Variants in ZNF234 observed in about 807,000 individuals in gnomAD.
The protein encoded by ZNF234 is zinc finger protein 234.
ZNF234 carries 4 observed loss-of-function variants against 10.3 expected under a neutral mutation model. That is an observed-to-expected ratio of 0.39 (90% CI 0.19 to 0.89). ZNF234 has a LOEUF of 0.89. Ranked by LOEUF, ZNF234 falls within the 40% of genes least tolerant of loss-of-function variation. The pLI is 0.38. For synonymous variants in ZNF234, 258 were observed against 280.1 expected (o/e 0.92, Z 0.79); for missense variants, 711 against 836.1 (o/e 0.85, Z 1.85).
intron 5 of ZNF234, 58 bp downstream of exon 5, chr19:44,150,563 T>A: frequency 7.1e-7 from 1 of 1,401,600 alleles, no homozygotes; most frequent in African/African-American, 1.4e-5. Context: ...TGTACTTCTC[T>A]CCCCTGCTCT....
chr19:44,143,716 G>C (rs1968525613), intron 2 of ZNF234, among the ~76,000 whole-genome samples: 4 of 152,152 alleles, frequency 2.6e-5, no homozygotes. Flanking sequence ...GGTGGCTGAG[G>C]CATGAGAATC....
rs374310388 is a variant in ZNF234, at chr19:44,150,369, C to T, written c.143-44C>T. On this transcript the variant is annotated intron_variant, in intron 4 of 5. Coordinates refer to ENST00000426739, the MANE Select transcript of ZNF234 (RefSeq NM_006630.3). ...CAAATTGCCAGTAAGTTCAGTTGTA[C>T]CTTTAGTGTGTTTGTTTTAAATATG... 5.6e-5 allele frequency: 83 copies of T among 1,484,762 alleles called. No individual in the cohort carries two copies. In the African/African-American group the frequency reaches 1.1e-3, roughly 19 times the overall value. The allele number at this position is 1,484,762 out of a possible 1,614,324, so 92.0% of individuals were successfully genotyped here.
Position 44,159,523 on chromosome 19 carries a change from TTTAA to T in ZNF234, c.*1409_*1412del, listed in dbSNP as rs1399107817. ...TTCTGACAGTGCAGACTGAAAAAAA[TTTAA>T]TTAACCTGACAAGAGTTTACTGAAT... On this transcript the variant is annotated 3_prime_UTR_variant, in exon 6 of 6. Coordinates refer to ENST00000426739, the MANE Select transcript of ZNF234 (RefSeq NM_006630.3). The T allele has an allele frequency of 7.8e-6, 3 of 382,972 alleles. No homozygotes were observed. The highest frequency in any genetic ancestry group is 3.7e-5 in the South Asian group (2 of 53,520). 23.7% of individuals were successfully genotyped at this position (382,972 alleles called of 1,614,324 possible). A position where few individuals can be genotyped will look rare whatever the true frequency, so the allele number is the denominator to read the frequency against.
chr19:44,153,916 G>A (rs917755655), intron 5 of ZNF234, among the ~76,000 whole-genome samples: 2 of 152,216 alleles, frequency 1.3e-5, no homozygotes, highest in East Asian at 1.9e-4. Context: ...GTAGGAAAGT[G>A]TAAAACGAGT....
Position 44,150,420 on chromosome 19 carries a change from C to T in ZNF234, c.150C>T (p.His50=). ...TGACTTTGCGTGTTCTAGGGCATCA[C>T]CCCTTCAAACATGATGTATTCCTTT... ...NFRNLLSVGH[H]PFKHDVFLLE... Residue 50 remains histidine, a synonymous_variant, in exon 5 of 6, where the codon CAC becomes CAT. Coordinates refer to ENST00000426739, the MANE Select transcript of ZNF234 (RefSeq NM_006630.3). The T allele has an allele frequency of 1.9e-6, 3 of 1,582,580 alleles. No individual in the cohort carries two copies. Among genetic ancestry groups the T allele is most frequent in the African/African-American group, 1.3e-5 (1 of 74,298 alleles).
At position 44,159,640 on chromosome 19, in the gene ZNF234, A is replaced by G. The variant is rs1279909883; in HGVS notation, c.*1521A>G. Reference sequence around the variant, plus strand: ...AGTGTCAGAAGTAGTTGCCAATGCCAAATTTTTATCAGCCCCCTTGAATTT... The same window carrying G: ...AGTGTCAGAAGTAGTTGCCAATGCCGAATTTTTATCAGCCCCCTTGAATTT... On this transcript the variant is annotated 3_prime_UTR_variant, in exon 6 of 6. Transcript: ENST00000426739. 6.3e-6 allele frequency: 3 copies of G among 475,006 alleles called. No homozygotes were observed. The highest frequency in any genetic ancestry group is 1.3e-5 in the Non-Finnish European group (3 of 230,674). The allele number at this position is 475,006 out of a possible 1,614,324, so 29.4% of individuals were successfully genotyped here.
intron 3 of ZNF234, among the ~76,000 whole-genome samples, chr19:44,147,931 CAA>C (rs540609726): frequency 1.0e-3 from 153 of 151,676 alleles, no homozygotes; most frequent in African/African-American, 3.5e-3. Context: ...ATAATGAAAA[CAA>C]TATTGAAAAT....
At chr19:44,146,137 G>T (rs1364065710) in intron 3 of ZNF234, among the ~76,000 whole-genome samples, 1 of 152,320 alleles carries the variant, frequency 6.6e-6, no homozygotes, top group Middle Eastern at 3.4e-3. Flanking sequence ...TGGTGTGGGT[G>T]TCTGGAGTGC....
In ZNF234 at chr19:44,158,594, A is replaced by G. The variant is rs1285089065; in HGVS notation, c.*475A>G. 1 of 187,422 alleles carries G rather than the reference A, an allele frequency of 5.3e-6. No individual in the cohort carries two copies. Among genetic ancestry groups the G allele is most frequent in the Admixed American group, 5.4e-5 (1 of 18,496 alleles). 11.6% of individuals were successfully genotyped at this position (187,422 alleles called of 1,614,324 possible). A position where few individuals can be genotyped will look rare whatever the true frequency, so the allele number is the denominator to read the frequency against. ...CTTCTAATTACAGTAGCATTCTCTT[A>G]TTTAAAATATTTGTTTTATTTAAGT... On this transcript the variant is annotated 3_prime_UTR_variant, in exon 6 of 6. Coordinates refer to ENST00000426739, the MANE Select transcript of ZNF234 (RefSeq NM_006630.3).
chr19:44,156,296 C>T lies in ZNF234; in HGVS notation c.280C>T (p.Arg94Ter), dbSNP rs749153689. 2.5e-5 allele frequency: 40 copies of T among 1,585,866 alleles called. No homozygotes were observed. Among genetic ancestry groups the T allele is most frequent in the Admixed American group, 7.2e-5 (4 of 55,308 alleles). Residue 94 changes from arginine to a stop codon, truncating the protein, a stop_gained, in exon 6 of 6, where the codon CGA (arginine) becomes TGA (stop). Coordinates refer to ENST00000426739, the MANE Select transcript of ZNF234 (RefSeq NM_006630.3). LOFTEE classifies it low-confidence loss of function (END_TRUNC). The stretch of plus-strand genomic sequence containing the variant: ...GGTGGAGACTGTTCCAGAAGCAGGA[C>T]GACATGAAGAGCTTTACTGGGGGCA... ...SEVETVPEAGRHEELYWGQIW... is the reference protein window; with the variant it reads ...SEVETVPEAG
Position 44,157,911 on chromosome 19 carries a change from T to G in ZNF234, c.1895T>G (p.Val632Gly), listed in dbSNP as rs1485127395. ...KPYKCDVCGK[V>G]FSRSSQLQYH... Reference sequence around the variant, plus strand: ...TACAAATGTGATGTATGTGGTAAAGTCTTCAGTCGGTCTTCACAATTACAG... The same window carrying G: ...TACAAATGTGATGTATGTGGTAAAGGCTTCAGTCGGTCTTCACAATTACAG... The change falls in exon 6 of 6, where the codon GTC becomes GGC. Residue 632 changes from valine to glycine, a missense_variant. By Grantham distance (109) the Val-to-Gly change is moderately radical (BLOSUM62 -3). Coordinates refer to ENST00000426739, the MANE Select transcript of ZNF234 (RefSeq NM_006630.3). The G allele has an allele frequency of 6.2e-6, 10 of 1,613,972 alleles. No homozygotes were observed. Among genetic ancestry groups the G allele is most frequent in the Non-Finnish European group, 8.5e-6 (10 of 1,180,016 alleles).
In ZNF234 at chr19:44,148,829, T is replaced by C; in HGVS notation, c.74T>C (p.Leu25Pro). 1 of 1,614,048 alleles carries C rather than the reference T, an allele frequency of 6.2e-7. No homozygotes were observed. Among genetic ancestry groups the C allele is most frequent in the Non-Finnish European group, 8.5e-7 (1 of 1,179,942 alleles). Residue 25 changes from leucine to proline, a missense_variant, in exon 4 of 6, where the codon CTG becomes CCG. Physicochemically the swap from Leu to Pro is moderately conservative, Grantham distance 98. Coordinates refer to ENST00000426739, the MANE Select transcript of ZNF234 (RefSeq NM_006630.3). ...TTCACTGAGGAGGAGCTGGGGCTGC[T>C]GGACCCTGTCCAGAGGAATCTGTAC... The part of the protein sequence containing the change: ...VVFTEEELGL[L>P]DPVQRNLYQD...
At position 44,146,292 on chromosome 19, in the gene ZNF234, T is replaced by A. The variant is rs1267048434; in HGVS notation, c.15+1645T>A. Reference sequence around the variant, plus strand: ...TGGTTATATAAAGTCTTTAAATTACTCTACGGATATCCCCCTCAGATAGTG... The same window carrying A: ...TGGTTATATAAAGTCTTTAAATTACACTACGGATATCCCCCTCAGATAGTG... On this transcript the variant is annotated intron_variant, in intron 3 of 5. Coordinates refer to ENST00000426739, the MANE Select transcript of ZNF234 (RefSeq NM_006630.3). Among the ~76,000 whole-genome samples the A allele has an allele frequency of 3.3e-5, 5 of 152,320 alleles. No individual in the cohort carries two copies. In the East Asian group the frequency reaches 9.6e-4, roughly 29 times the overall value.
intron 5 of ZNF234, among the ~76,000 whole-genome samples, chr19:44,153,094 T>A (rs1406998114): frequency 6.7e-6 from 1 of 148,888 alleles, no homozygotes; most frequent in Non-Finnish European, 1.5e-5. Context: ...CACATCATCA[T>A]AGAGACTTGT....
chr19:44,145,647 C>T (rs1322793451), intron 3 of ZNF234, among the ~76,000 whole-genome samples: 1 of 152,232 alleles, frequency 6.6e-6, no homozygotes, highest in Non-Finnish European at 1.5e-5. Flanking sequence ...CTGCCTTGGC[C>T]TCCCAAAGTG....
chr19:44,149,018 A>G lies in ZNF234; in HGVS notation c.142+121A>G, dbSNP rs970980298. On this transcript the variant is annotated intron_variant, in intron 4 of 5. Coordinates refer to ENST00000426739, the MANE Select transcript of ZNF234 (RefSeq NM_006630.3). Reference sequence around the variant, plus strand: ...CTACATTTGTAGACCTGACTTTCCTATCAGTAGTTTTTAGTGAAATAAAAT... The same window carrying G: ...CTACATTTGTAGACCTGACTTTCCTGTCAGTAGTTTTTAGTGAAATAAAAT... 2.0e-5 allele frequency: 24 copies of G among 1,204,036 alleles called. No individual in the cohort carries two copies. The East Asian group carries it at 5.8e-4, about 29-fold the overall frequency. 74.6% of individuals were successfully genotyped at this position (1,204,036 alleles called of 1,614,324 possible).
At chr19:44,147,488 T>C (rs1968628539) in intron 3 of ZNF234, among the ~76,000 whole-genome samples, 2 of 151,952 alleles carry the variant, frequency 1.3e-5, no homozygotes. Flanking sequence ...TCCTCCATCC[T>C]TGGCCTCCCA....
intron 3 of ZNF234, among the ~76,000 whole-genome samples, chr19:44,146,806 CTTTTTTTTTTTTTTTTTTTTT>C (rs60083912): frequency 1.2e-5 from 1 of 83,286 alleles, no homozygotes. Context: ...CTCTCTCTCT[CTTTTTTTTTTTTTTTTTTTTT>C]TTTTTTGAGA....
intron 2 of ZNF234, among the ~76,000 whole-genome samples, chr19:44,143,507 G>A (rs576757953): frequency 2.3e-4 from 35 of 152,242 alleles, no homozygotes; most frequent in Admixed American, 6.5e-4. Context: ...TACTTGGGAG[G>A]CTGAGGCAAG....
Sources: allele counts gnomAD v4.1 joint callset (sites outside exome capture counted in the v4.1 genomes callset), GRCh38; gene constraint gnomAD v4.1.1; transcripts MANE v1.5; gene names NCBI Gene and HGNC (gene_info 2026-07-23, HGNC 2026-07-21).